The following RPS6KA5 variants were observed in gnomAD, a reference collection of about 807,000 sequenced individuals.
The protein encoded by RPS6KA5 is ribosomal protein S6 kinase alpha-5.
RPS6KA5 carries 27 observed loss-of-function variants against 85.5 expected under a neutral mutation model. That is an observed-to-expected ratio of 0.32 (90% CI 0.23 to 0.44). RPS6KA5 has a LOEUF of 0.44. RPS6KA5 is among the 20% of genes least tolerant of loss of function. RPS6KA5 has a pLI of 1.00. For synonymous variants in RPS6KA5, 334 were observed against 348.2 expected (o/e 0.96, Z 0.46); for missense variants, 811 against 980.9 (o/e 0.83, Z 2.31).
At chr14:91,047,126 T>C (rs1198456160) in intron 1 of RPS6KA5, among the ~76,000 whole-genome samples, 3 of 152,184 alleles carry the variant, frequency 2.0e-5, no homozygotes, top group Admixed American at 1.3e-4. Flanking sequence ...CTACTACTTA[T>C]GTTTATATAT....
chr14:91,034,022 T>C (rs2042297695), intron 1 of RPS6KA5, among the ~76,000 whole-genome samples: 1 of 152,178 alleles, frequency 6.6e-6, no homozygotes, highest in African/African-American at 2.4e-5. Context: ...GAATTCTTTT[T>C]AGGCCAGGCG....
chr14:91,031,387 A>G (rs2042181195), intron 1 of RPS6KA5, among the ~76,000 whole-genome samples: 1 of 152,198 alleles, frequency 6.6e-6, no homozygotes, highest in Non-Finnish European at 1.5e-5. Flanking sequence ...CCACAGATAT[A>G]ATACTAAAAA....
intron 1 of RPS6KA5, among the ~76,000 whole-genome samples, chr14:91,038,096 A>G (rs530787972): frequency 2.6e-5 from 4 of 152,154 alleles, no homozygotes; most frequent in Non-Finnish European, 5.9e-5. Context: ...GTTTCCAAAC[A>G]AGGAAAAGTT....
chr14:91,030,625 A>AAG, intron 1 of RPS6KA5, among the ~76,000 whole-genome samples: 1 of 136,526 alleles, frequency 7.3e-6, no homozygotes, highest in African/African-American at 2.9e-5. Flanking sequence ...AAAAAAAAAA[A>AAG]AAAAAAAAAA....
At position 91,060,354 on chromosome 14, in the gene RPS6KA5, A is replaced by T. The variant is rs750709594; in HGVS notation, c.81T>A (p.Thr27=). 156 of 1,469,872 alleles carry T rather than the reference A, an allele frequency of 1.1e-4. 1 individual carries two copies. The highest frequency in any genetic ancestry group is 1.4e-4 in the Non-Finnish European group (152 of 1,102,860). The allele number at this position is 1,469,872 out of a possible 1,614,324, so 91.1% of individuals were successfully genotyped here. The change falls in exon 1 of 17, where the codon ACT becomes ACA. Residue 27 remains threonine, a synonymous_variant. Coordinates refer to ENST00000614987, the MANE Select transcript of RPS6KA5 (RefSeq NM_004755.4). ...CACCAGTCCGCAGCTCGTGCTTGACAGTGAGGAGCTGCTCTCCTCCGTCGC... is the reference window on the plus strand; with the variant it reads ...CACCAGTCCGCAGCTCGTGCTTGACTGTGAGGAGCTGCTCTCCTCCGTCGC... ...DGGDGGEQLL[T]VKHELRTANL...
rs1377282428 is a variant in RPS6KA5, at chr14:91,044,433, GAAAGAA to G, written c.103+15893_103+15898del. ...AGAAAGAAAGAAAGAAAGAAAGAAA[GAAAGAA>G]AGAAAGAAAATTACCCAAGTAGGCC... On this transcript the variant is annotated intron_variant, in intron 1 of 16. Transcript: ENST00000614987. Among the ~76,000 whole-genome samples the G allele has an allele frequency of 2.0e-3, 282 of 140,422 alleles. 1 individual carries two copies. Among genetic ancestry groups the G allele is most frequent in the Middle Eastern group, 3.8e-3 (1 of 266 alleles). 92.1% of individuals were successfully genotyped at this position (140,422 alleles called of 152,430 possible). A position where few individuals can be genotyped will look rare whatever the true frequency, so the allele number is the denominator to read the frequency against.
intron 1 of RPS6KA5, among the ~76,000 whole-genome samples, chr14:91,024,393 T>C (rs561821641): frequency 2.6e-5 from 4 of 152,342 alleles, no homozygotes; most frequent in Middle Eastern, 3.4e-3. Flanking sequence ...CTGTTTTTTT[T>C]CTACATAATG....
intron 6 of RPS6KA5, among the ~76,000 whole-genome samples, chr14:90,920,671 A>G (rs1019025785): frequency 6.6e-6 from 1 of 151,748 alleles, no homozygotes; most frequent in Non-Finnish European, 1.5e-5. Flanking sequence ...TCTAAAATTC[A>G]AAGAACAATA....
In RPS6KA5 at chr14:90,943,195, C is replaced by T. The variant is rs755311303; in HGVS notation, c.511-10G>A. ...GATATATAATCCCCAACTGCAAAAA[C>T]AAAGAAATATAAATTTTAAAATAAT... is the stretch of plus-strand genomic sequence containing the variant. On this transcript the variant is annotated splice_polypyrimidine_tract_variant and intron_variant, in intron 4 of 16. Transcript: ENST00000614987. The T allele has an allele frequency of 7.1e-7, 1 of 1,401,652 alleles. No homozygotes were observed. The highest frequency in any genetic ancestry group is 1.2e-5 in the South Asian group (1 of 81,148). 86.8% of individuals were successfully genotyped at this position (1,401,652 alleles called of 1,614,324 possible).
intron 3 of RPS6KA5, among the ~76,000 whole-genome samples, chr14:90,974,881 T>C (rs994308928): frequency 2.1e-4 from 32 of 152,354 alleles, no homozygotes; most frequent in African/African-American, 5.5e-4. Flanking sequence ...TGGTTTGTTA[T>C]ACAGCAATAA....
chr14:90,983,662 G>A (rs2039907682), intron 2 of RPS6KA5, among the ~76,000 whole-genome samples: 1 of 149,854 alleles, frequency 6.7e-6, no homozygotes, highest in South Asian at 2.1e-4. Context: ...GAAAAAGGAA[G>A]AAGGAAAGAA....
At chr14:90,943,689 T>G (rs2037714428) in intron 4 of RPS6KA5, among the ~76,000 whole-genome samples, 1 of 152,218 alleles carries the variant, frequency 6.6e-6, no homozygotes, top group South Asian at 2.1e-4. Flanking sequence ...ATACCTATAC[T>G]CTAACTCTTT....
chr14:91,054,316 AG>A (rs2043218763), intron 1 of RPS6KA5, among the ~76,000 whole-genome samples: 1 of 152,144 alleles, frequency 6.6e-6, no homozygotes. Context: ...AAAATGAAAA[AG>A]AAAAAAAAAA....
intron 10 of RPS6KA5, 27 bp downstream of exon 10, chr14:90,900,584 G>T: frequency 1.3e-6 from 2 of 1,599,208 alleles, no homozygotes; most frequent in South Asian, 1.1e-5. Flanking sequence ...CTACAAATAT[G>T]TCATATAAGT....
At chr14:90,961,536 T>C (rs1007047595) in intron 3 of RPS6KA5, among the ~76,000 whole-genome samples, 2 of 152,220 alleles carry the variant, frequency 1.3e-5, no homozygotes, top group Admixed American at 6.5e-5. Context: ...AGTATTTAAA[T>C]GACTTAGAAC....
chr14:90,855,449 T>C lies in RPS6KA5; in HGVS notation c.*16625A>G, dbSNP rs2032226698. 7.4e-6 allele frequency: 1 copy of C among 135,120 alleles called. No homozygotes were observed. The highest frequency in any genetic ancestry group is 7.7e-5 in the Admixed American group (1 of 13,070). The allele number at this position is 135,120 out of a possible 1,614,324, so 8.4% of individuals were successfully genotyped here. ...TACTTACATTATTTTTTATTTTTTA[T>C]TTTTTTGAGACGGAGTTTCACTCTG... is the stretch of plus-strand genomic sequence containing the variant. On this transcript the variant is annotated 3_prime_UTR_variant, in exon 17 of 17. Coordinates refer to ENST00000614987, the MANE Select transcript of RPS6KA5 (RefSeq NM_004755.4).
intron 1 of RPS6KA5, among the ~76,000 whole-genome samples, chr14:91,047,723 A>ACTGG (rs1418099521): frequency 6.6e-6 from 1 of 152,194 alleles, no homozygotes; most frequent in African/African-American, 2.4e-5. Flanking sequence ...TGGAGATCAA[A>ACTGG]AGTCTGAAAC....
chr14:90,885,203 T>C (rs867138744), intron 14 of RPS6KA5, among the ~76,000 whole-genome samples: 3 of 147,704 alleles, frequency 2.0e-5, no homozygotes, highest in Admixed American at 6.8e-5. Context: ...CAGTGAGCCA[T>C]GAACGTGCAA....
At chr14:90,983,210 A>C (rs976212397) in intron 2 of RPS6KA5, among the ~76,000 whole-genome samples, 1 of 150,818 alleles carries the variant, frequency 6.6e-6, no homozygotes, top group Non-Finnish European at 1.5e-5. Context: ...CCAGGAGGCA[A>C]AGGTTGCAGT....
Sources: allele counts gnomAD v4.1 joint callset (sites outside exome capture counted in the v4.1 genomes callset), GRCh38; gene constraint gnomAD v4.1.1; transcripts MANE v1.5; gene names NCBI Gene and HGNC (gene_info 2026-07-23, HGNC 2026-07-21).